The following PCDHGB3 variants were observed in gnomAD, a reference collection of about 807,000 sequenced individuals.
PCDHGB3 encodes the protein protocadherin gamma subfamily B, 3.
Under a neutral mutation model 59.2 loss-of-function variants are expected in PCDHGB3, and 40 were observed. The observed-to-expected ratio is 0.68, with a 90% CI of 0.52 to 0.88. The LOEUF is 0.88. Ranked by LOEUF, PCDHGB3 falls within the 40% of genes least tolerant of loss-of-function variation. The probability of loss-of-function intolerance (pLI) is 0.00; values close to 1 mark genes in which losing one functional copy is unlikely to be tolerated. For synonymous variants in PCDHGB3, 581 were observed against 503.6 expected (o/e 1.15, Z -2.06); for missense variants, 1,309 against 1,187.9 (o/e 1.10, Z -1.50).
intron 1 of PCDHGB3, chr5:141,408,865 A>G (rs765751172): frequency 6.2e-7 from 1 of 1,613,684 alleles, no homozygotes. Context: ...GGGACCCACC[A>G]AGAAGTGCCA....
intron 1 of PCDHGB3, chr5:141,403,036 C>T: frequency 1.9e-6 from 3 of 1,614,080 alleles, no homozygotes; most frequent in Non-Finnish European, 2.5e-6. Context: ...AGGCCAGGGC[C>T]AGTCAGATTC....
chr5:141,482,885 A>G (rs1353686606), intron 1 of PCDHGB3, among the ~76,000 whole-genome samples: 2 of 152,202 alleles, frequency 1.3e-5, no homozygotes. Flanking sequence ...CAGCCTGGCC[A>G]ACATGGTGAA....
intron 1 of PCDHGB3, chr5:141,379,021 G>A (rs1199097625): frequency 6.6e-6 from 1 of 152,192 alleles, no homozygotes; most frequent in Admixed American, 6.5e-5. Context: ...TCATGAGTTG[G>A]AAGATTCTAC....
chr5:141,443,254 G>A (rs185181143), intron 1 of PCDHGB3, among the ~76,000 whole-genome samples: 30 of 152,006 alleles, frequency 2.0e-4, no homozygotes, highest in Admixed American at 1.6e-3. Context: ...GCCAAGGCGG[G>A]TGGATCACTT....
chr5:141,417,507 A>G (rs573832786), intron 1 of PCDHGB3: 1 of 234,942 alleles, frequency 4.3e-6, no homozygotes, highest in Non-Finnish European at 8.1e-6. Context: ...AAAGATTAAA[A>G]TATTTTGGCT....
Position 141,489,454 on chromosome 5 carries a change from G to C in PCDHGB3, c.2416-5353G>C, listed in dbSNP as rs1177748773. 1 of 1,613,940 alleles carries C rather than the reference G, an allele frequency of 6.2e-7. No homozygotes were observed. The highest frequency in any genetic ancestry group is 1.3e-5 in the African/African-American group (1 of 74,906). On this transcript the variant is annotated intron_variant, in intron 1 of 3. Transcript: ENST00000576222. This position sits in a 1 kb window ranked among gnomAD's most constrained non-coding sequence, Gnocchi z 4.5. ...GCTGCAATTGGGCTCTGAGGAGAAT[G>C]GGCGCTATTTTTCCCTGAGCTTGAT...
chr5:141,502,578 T>C (rs2099815145), intron 2 of PCDHGB3, among the ~76,000 whole-genome samples: 1 of 152,198 alleles, frequency 6.6e-6, no homozygotes, highest in African/African-American at 2.4e-5. Context: ...TATAAAAATA[T>C]ATTTTTATAA....
intron 2 of PCDHGB3, among the ~76,000 whole-genome samples, 170 bp from the exon 3 acceptor site, chr5:141,505,223 A>G (rs746167057): frequency 1.9e-4 from 29 of 152,176 alleles, no homozygotes; most frequent in Admixed American, 6.5e-5. Flanking sequence ...GACTTGTGGG[A>G]TTCTGGCTTC....
At chr5:141,422,611 A>C in intron 1 of PCDHGB3, 3 of 1,613,762 alleles carry the variant, frequency 1.9e-6, no homozygotes, top group Non-Finnish European at 2.5e-6. Flanking sequence ...CTCTGCCTAC[A>C]TTCCCGAAAA....
chr5:141,404,525 T>G, intron 1 of PCDHGB3: 1 of 1,613,796 alleles, frequency 6.2e-7, no homozygotes, highest in South Asian at 1.1e-5. Flanking sequence ...CTATGAGCAG[T>G]TTAGAGATTT....
At position 141,490,735 on chromosome 5, in the gene PCDHGB3, C is replaced by T; in HGVS notation, c.2416-4072C>T. The T allele has an allele frequency of 2.5e-6, 4 of 1,614,194 alleles. No individual in the cohort carries two copies. Among genetic ancestry groups the T allele is most frequent in the Non-Finnish European group, 2.5e-6 (3 of 1,180,018 alleles). ...CTACTCCATTGTAGGAAATCAGGTTCAGGGAGCCCCAGCCTCCTCCTTTGT... is the reference window on the plus strand; with the variant it reads ...CTACTCCATTGTAGGAAATCAGGTTTAGGGAGCCCCAGCCTCCTCCTTTGT... On this transcript the variant is annotated intron_variant, in intron 1 of 3. Transcript: ENST00000576222. This position sits in a 1 kb window ranked among gnomAD's most constrained non-coding sequence, Gnocchi z 5.4.
intron 1 of PCDHGB3, among the ~76,000 whole-genome samples, chr5:141,457,904 T>C (rs960822555): frequency 6.0e-5 from 9 of 150,288 alleles, no homozygotes; most frequent in African/African-American, 2.2e-4. Context: ...GTAGACAAGG[T>C]GTGAGGCCAG....
At position 141,476,827 on chromosome 5, in the gene PCDHGB3, G is replaced by A; in HGVS notation, c.2416-17980G>A. On this transcript the variant is annotated intron_variant, in intron 1 of 3. Transcript: ENST00000576222. The surrounding 1 kb of genome is among the most constrained non-coding windows in gnomAD (Gnocchi z 7.6). ...CTATTCACATCAAGGTGCTGGACGC[G>A]AATGACAATGCGCCTGTCTTCAACC... The A allele has an allele frequency of 1.2e-6, 2 of 1,613,542 alleles. No individual in the cohort carries two copies. Among genetic ancestry groups the A allele is most frequent in the Non-Finnish European group, 1.7e-6 (2 of 1,180,046 alleles).
intron 1 of PCDHGB3, chr5:141,403,431 C>T: frequency 6.2e-7 from 1 of 1,614,028 alleles, no homozygotes; most frequent in Non-Finnish European, 8.5e-7. Context: ...GCTATTGATC[C>T]GGATGTTGGC....
rs368791778 is a variant in PCDHGB3, at chr5:141,409,216, T to C, written c.2415+36407T>C. The C allele has an allele frequency of 4.3e-6, 7 of 1,613,886 alleles. No homozygotes were observed. The African/African-American group carries it at 9.3e-5, about 22-fold the overall frequency. On this transcript the variant is annotated intron_variant, in intron 1 of 3. Coordinates refer to ENST00000576222, the MANE Select transcript of PCDHGB3 (RefSeq NM_018924.5). ...AGTGTAAAGTAATCATAGAAATCCT[T>C]GATGAAAACGACAACAGCCCAGAAA...
intron 1 of PCDHGB3, 130 bp downstream of exon 1, chr5:141,372,939 G>A (rs1026338118): frequency 1.1e-5 from 9 of 824,676 alleles, no homozygotes; most frequent in Non-Finnish European, 1.6e-5. Flanking sequence ...GTAGAGTAGG[G>A]TGTCTAGGAA....
intron 1 of PCDHGB3, among the ~76,000 whole-genome samples, chr5:141,434,248 G>A (rs1347428778): frequency 2.0e-5 from 3 of 152,188 alleles, no homozygotes; most frequent in Non-Finnish European, 2.9e-5. Flanking sequence ...GATGACTTGG[G>A]CATTGTGGGG....
chr5:141,485,357 C>T lies in PCDHGB3; in HGVS notation c.2416-9450C>T. ...GCTGGATACGGACAGTCTGTCAGCT[C>T]GCAGGCTGCAGGTCGCTGGAGAGGT... On this transcript the variant is annotated intron_variant, in intron 1 of 3. Transcript: ENST00000576222. The surrounding 1 kb of genome is among the most constrained non-coding windows in gnomAD (Gnocchi z 5.7). 1.2e-6 allele frequency: 2 copies of T among 1,614,084 alleles called. No individual in the cohort carries two copies. The highest frequency in any genetic ancestry group is 1.1e-5 in the South Asian group (1 of 91,070).
chr5:141,421,734 G>A (rs761780459), intron 1 of PCDHGB3: 1 of 1,613,948 alleles, frequency 6.2e-7, no homozygotes, highest in Non-Finnish European at 8.5e-7. Flanking sequence ...ACTCCCTCCA[G>A]AGCTACCAGC....
Sources: gnomAD v4.1 joint callset for allele counts (sites outside exome capture counted in the v4.1 genomes callset) on GRCh38, gnomAD v4.1.1 for gene constraint, Gnocchi (gnomAD v3.1) non-coding constraint, MANE v1.5 for transcripts, NCBI Gene and HGNC (gene_info 2026-07-23, HGNC 2026-07-21) for gene names.